DPP10: variants seen among roughly 807,000 people sequenced by gnomAD.
DPP10 encodes dipeptidyl peptidase like 10.
Under a neutral mutation model 120.9 loss-of-function variants are expected in DPP10, and 33 were observed. The ratio of observed to expected loss-of-function variants is 0.27; its 90% CI spans 0.21 to 0.37. DPP10 has a LOEUF of 0.37. DPP10 is among the 10% of genes least tolerant of loss of function. The pLI, the probability that DPP10 is intolerant of heterozygous loss-of-function variation, is 1.00. For missense variants in DPP10, 816 were observed against 942.8 expected (o/e 0.87, Z 1.76); for synonymous variants, 337 against 326.1 (o/e 1.03, Z -0.36).
intron 1 of DPP10, among the ~76,000 whole-genome samples, chr2:114,966,270 G>C (rs1433612284): frequency 6.6e-6 from 1 of 152,168 alleles, no homozygotes; most frequent in Non-Finnish European, 1.5e-5. Context: ...GATCCCAAAT[G>C]TGGCAGTCTT....
intron 1 of DPP10, among the ~76,000 whole-genome samples, chr2:115,023,484 C>A (rs777732392): frequency 6.6e-6 from 1 of 151,372 alleles, no homozygotes; most frequent in Non-Finnish European, 1.5e-5. Context: ...TGAAAAAAAT[C>A]AAAAAAATAA....
chr2:114,451,955 T>C (rs1051379026), intron 1 of DPP10, among the ~76,000 whole-genome samples: 2 of 152,212 alleles, frequency 1.3e-5, no homozygotes, highest in Admixed American at 1.3e-4. Flanking sequence ...GGTTTGTTCA[T>C]TAGCTTCATT....
chr2:115,640,696 G>A (rs1396206964), intron 5 of DPP10, among the ~76,000 whole-genome samples: 23 of 152,076 alleles, frequency 1.5e-4, no homozygotes, highest in Admixed American at 1.4e-3. Flanking sequence ...GTGACCCCTA[G>A]TCCTTGCATT....
intron 1 of DPP10, among the ~76,000 whole-genome samples, chr2:115,230,855 C>T (rs1200035284): frequency 1.3e-5 from 2 of 151,998 alleles, no homozygotes; most frequent in South Asian, 2.1e-4. Context: ...TTTTTTCAGT[C>T]TCTAATATCT....
At chr2:115,664,699 TTC>T (rs1285190215) in intron 5 of DPP10, among the ~76,000 whole-genome samples, 1 of 152,154 alleles carries the variant, frequency 6.6e-6, no homozygotes, top group Non-Finnish European at 1.5e-5. Flanking sequence ...TCTTAATTGT[TTC>T]TCTCTTACCC....
At chr2:115,587,264 A>AT (rs1423568758) in intron 5 of DPP10, among the ~76,000 whole-genome samples, 2 of 151,314 alleles carry the variant, frequency 1.3e-5, no homozygotes, top group Non-Finnish European at 1.5e-5. Flanking sequence ...CGCCCAGCTA[A>AT]TTTTTTTGTA....
chr2:115,381,409 C>G (rs556779446), intron 3 of DPP10, among the ~76,000 whole-genome samples: 8 of 152,286 alleles, frequency 5.3e-5, no homozygotes, highest in African/African-American at 1.9e-4. Flanking sequence ...TCCATCAGCT[C>G]CTTTAAGCAC....
At chr2:115,789,408 G>T (rs1310403072) in intron 17 of DPP10, among the ~76,000 whole-genome samples, 1 of 152,034 alleles carries the variant, frequency 6.6e-6, no homozygotes, top group Non-Finnish European at 1.5e-5. Context: ...GAAAATTTTG[G>T]CAAACAATAA....
intron 1 of DPP10, among the ~76,000 whole-genome samples, chr2:114,811,857 C>T (rs1574245763): frequency 6.6e-6 from 1 of 152,228 alleles, no homozygotes; most frequent in Non-Finnish European, 1.5e-5. Context: ...TTTGGACTCA[C>T]ATGAGTAATT....
intron 1 of DPP10, among the ~76,000 whole-genome samples, chr2:114,643,466 C>G (rs754436633): frequency 2.6e-5 from 4 of 151,836 alleles, no homozygotes; most frequent in Non-Finnish European, 5.9e-5. Context: ...AGGATACTGA[C>G]AAGCTTTTTA....
intron 5 of DPP10, among the ~76,000 whole-genome samples, chr2:115,687,188 C>T (rs1172972427): frequency 6.6e-6 from 1 of 151,926 alleles, no homozygotes; most frequent in Non-Finnish European, 1.5e-5. Context: ...AATCCCCCCT[C>T]CCTTTAAAAT....
At chr2:115,759,746 C>T (rs1195259902) in intron 11 of DPP10, among the ~76,000 whole-genome samples, 1 of 152,132 alleles carries the variant, frequency 6.6e-6, no homozygotes, top group African/African-American at 2.4e-5. Context: ...CACGGTGGCT[C>T]ATGCCTGTAA....
chr2:114,535,293 C>T (rs747285753), intron 1 of DPP10, among the ~76,000 whole-genome samples: 1 of 152,140 alleles, frequency 6.6e-6, no homozygotes, highest in South Asian at 2.1e-4. Flanking sequence ...AAGACAATTA[C>T]TTTTGGCATC....
chr2:114,921,234 G>T (rs1039605305), intron 1 of DPP10, among the ~76,000 whole-genome samples: 6 of 152,084 alleles, frequency 3.9e-5, no homozygotes, highest in African/African-American at 1.4e-4. Flanking sequence ...ATGTATTTTG[G>T]TGGGGGACAA....
intron 3 of DPP10, among the ~76,000 whole-genome samples, chr2:115,396,325 C>T (rs371395254): frequency 6.6e-6 from 1 of 152,144 alleles, no homozygotes; most frequent in South Asian, 2.1e-4. Flanking sequence ...ATCTTGAAAT[C>T]CGTAAATACT....
intron 1 of DPP10, among the ~76,000 whole-genome samples, chr2:114,862,059 T>C (rs1280381841): frequency 2.0e-5 from 3 of 152,298 alleles, no homozygotes; most frequent in African/African-American, 7.2e-5. Flanking sequence ...GACCTTCAAA[T>C]CTTTTATTAA....
At chr2:114,567,993 T>C (rs1689332362) in intron 1 of DPP10, among the ~76,000 whole-genome samples, 1 of 145,000 alleles carries the variant, frequency 6.9e-6, no homozygotes, top group Non-Finnish European at 1.5e-5. Flanking sequence ...AACCTGTACA[T>C]CCTGCACATG....
intron 1 of DPP10, among the ~76,000 whole-genome samples, chr2:114,611,521 A>G (rs939729833): frequency 6.6e-6 from 1 of 152,184 alleles, no homozygotes; most frequent in African/African-American, 2.4e-5. Flanking sequence ...ACATACCCAC[A>G]TAGAGACAAA....
In DPP10 at chr2:114,915,393, T is replaced by C. The variant is rs138274811; in HGVS notation, c.61-393846T>C. Among the ~76,000 whole-genome samples the C allele has an allele frequency of 7.4e-3, 1,131 of 152,298 alleles. 14 individuals are homozygous for C. Among genetic ancestry groups the C allele is most frequent in the African/African-American group, 0.025 (1,046 of 41,562 alleles). On this transcript the variant is annotated intron_variant, in intron 1 of 25. Coordinates refer to ENST00000410059, the MANE Select transcript of DPP10 (RefSeq NM_020868.6). ...CTTGAAGACTTAGTTAACTACACTG[T>C]AACAGTAGGAGACTTCAACACTCCA...
Sources: allele counts gnomAD v4.1 joint callset (sites outside exome capture counted in the v4.1 genomes callset), GRCh38; gene constraint gnomAD v4.1.1; transcripts MANE v1.5; gene names NCBI Gene and HGNC (gene_info 2026-07-23, HGNC 2026-07-21).